Variants in TMEM117 observed in about 807,000 individuals in gnomAD.
The protein encoded by TMEM117 is transmembrane protein 117.
TMEM117 carries 27 observed loss-of-function variants against 52.4 expected under a neutral mutation model. The observed-to-expected ratio is 0.51, with a 90% CI of 0.38 to 0.71. The LOEUF is 0.71. Among genes scored for constraint, TMEM117 ranks in the 30% least tolerant of loss-of-function variants. The pLI is 0.00. For synonymous variants in TMEM117, 215 were observed against 206.3 expected, an observed-to-expected ratio of 1.04 and a Z score of -0.36; for missense variants, 556 against 630.5, an observed-to-expected ratio of 0.88 and a Z score of 1.26.
chr12:44,263,911 G>C (rs1054171713), intron 5 of TMEM117: 2 of 152,132 alleles, frequency 1.3e-5, no homozygotes, highest in Non-Finnish European at 2.9e-5. Context: ...TTCAGTGAAG[G>C]TGCATTTGTA....
At chr12:44,011,410 C>T (rs1946288339) in intron 3 of TMEM117, among the ~76,000 whole-genome samples, 1 of 152,050 alleles carries the variant, frequency 6.6e-6, no homozygotes, top group Non-Finnish European at 1.5e-5. Flanking sequence ...TGTTGCTGCT[C>T]CTGTGATAGT....
intron 6 of TMEM117, among the ~76,000 whole-genome samples, chr12:44,329,874 G>T (rs1313585443): frequency 6.6e-6 from 1 of 151,984 alleles, no homozygotes; most frequent in Non-Finnish European, 1.5e-5. Context: ...CTATGTCTTT[G>T]TATGTATATA....
intron 6 of TMEM117, among the ~76,000 whole-genome samples, chr12:44,348,990 G>GAA (rs1212760199): frequency 1.3e-5 from 2 of 151,946 alleles, no homozygotes; most frequent in Non-Finnish European, 2.9e-5. Context: ...ACACCAGTGA[G>GAA]ATAATTAAAA....
At chr12:44,243,726 T>C (rs918142041) in intron 5 of TMEM117, among the ~76,000 whole-genome samples, 1 of 151,862 alleles carries the variant, frequency 6.6e-6, no homozygotes, top group Non-Finnish European at 1.5e-5. Flanking sequence ...CTAAAACTTA[T>C]TCCTCCTAAC....
intron 3 of TMEM117, among the ~76,000 whole-genome samples, chr12:44,091,257 A>G (rs955928555): frequency 2.6e-5 from 4 of 152,118 alleles, no homozygotes; most frequent in African/African-American, 4.8e-5. Context: ...CCATGATTCA[A>G]TTACCTCCCC....
At chr12:43,978,106 TGTTCA>T (rs1047194050) in intron 3 of TMEM117, among the ~76,000 whole-genome samples, 1 of 152,140 alleles carries the variant, frequency 6.6e-6, no homozygotes, top group African/African-American at 2.4e-5. Flanking sequence ...AAGTTGAAAT[TGTTCA>T]GTTAAGTTCC....
chr12:43,845,543 TA>T (rs199772744), intron 2 of TMEM117, among the ~76,000 whole-genome samples: 16 of 152,064 alleles, frequency 1.1e-4, no homozygotes, highest in African/African-American at 3.9e-4. Context: ...TTTTTATTTT[TA>T]AAATTTTTTT....
rs561045231 is a variant in TMEM117 at position 44,095,948 on chromosome 12, G to T, written c.411-47577G>T. Among the ~76,000 whole-genome samples, 826 of 152,274 alleles carry T rather than the reference G, an allele frequency of 5.4e-3. 8 individuals carry two copies. Among genetic ancestry groups the T allele is most frequent in the Middle Eastern group, 0.031 (9 of 294 alleles). ...AATTGTCCCTGTTTGTAGACGACAT[G>T]ATTGTATATCTAGAAAACCCCATTG... On this transcript the variant is annotated intron_variant, in intron 3 of 7. Coordinates refer to ENST00000266534, the MANE Select transcript of TMEM117 (RefSeq NM_032256.3).
At chr12:44,269,297 T>C (rs1237178290) in intron 5 of TMEM117, among the ~76,000 whole-genome samples, 1 of 152,130 alleles carries the variant, frequency 6.6e-6, no homozygotes, top group African/African-American at 2.4e-5. Flanking sequence ...TCCACACTCC[T>C]TAATGACTAC....
chr12:44,028,263 T>C (rs1946576343), intron 3 of TMEM117, among the ~76,000 whole-genome samples: 1 of 152,068 alleles, frequency 6.6e-6, no homozygotes, highest in Admixed American at 6.5e-5. Context: ...ATCATTCCAG[T>C]ATCTGGAACA....
At chr12:44,066,975 AT>A (rs1172934760) in intron 3 of TMEM117, among the ~76,000 whole-genome samples, 4 of 152,186 alleles carry the variant, frequency 2.6e-5, no homozygotes, top group Non-Finnish European at 5.9e-5. Context: ...TGTCAACTAA[AT>A]TTACGTAAAA....
rs145660187 is a variant in TMEM117, at chr12:44,116,907, A to T, written c.411-26618A>T. Among the ~76,000 whole-genome samples the T allele has an allele frequency of 2.1e-4, 32 of 152,254 alleles. 1 individual carries two copies. Among genetic ancestry groups the T allele is most frequent in the African/African-American group, 7.5e-4 (31 of 41,550 alleles). Reference sequence around the variant, plus strand: ...CCTTGACTCTCTGCAGTAGCCTCCTAACTGATCTAATTTTATCTCATCGTA... The same window carrying T: ...CCTTGACTCTCTGCAGTAGCCTCCTTACTGATCTAATTTTATCTCATCGTA... On this transcript the variant is annotated intron_variant, in intron 3 of 7. Transcript: ENST00000266534.
chr12:43,804,448 C>T, the TMEM117 span: 1 of 1,177,966 alleles, frequency 8.5e-7, no homozygotes, highest in Non-Finnish European at 1.2e-6. Flanking sequence ...AAAAATACAA[C>T]AGCCACTAAT....
intron 5 of TMEM117, among the ~76,000 whole-genome samples, chr12:44,272,450 G>A (rs913022088): frequency 3.9e-5 from 6 of 152,008 alleles, no homozygotes; most frequent in Non-Finnish European, 7.4e-5. Context: ...TACAGAATGG[G>A]AGAAAACTTT....
At chr12:44,007,810 GCT>G (rs1034311840) in intron 3 of TMEM117, among the ~76,000 whole-genome samples, 12 of 152,130 alleles carry the variant, frequency 7.9e-5, no homozygotes, top group African/African-American at 2.9e-4. Flanking sequence ...CCCTGCATAA[GCT>G]CTCTCTTTTT....
intron 5 of TMEM117, among the ~76,000 whole-genome samples, chr12:44,272,245 A>G (rs2138570781): frequency 6.6e-6 from 1 of 152,252 alleles, no homozygotes; most frequent in African/African-American, 2.4e-5. Flanking sequence ...GATCAAAGCC[A>G]TAATAAAAGT....
intron 6 of TMEM117, among the ~76,000 whole-genome samples, chr12:44,337,687 C>G (rs1688274299): frequency 1.3e-5 from 2 of 152,006 alleles, no homozygotes; most frequent in African/African-American, 4.8e-5. Context: ...ATGAGGATAA[C>G]CAACCTTGAA....
intron 4 of TMEM117, among the ~76,000 whole-genome samples, chr12:44,191,697 C>T (rs1949356966): frequency 6.6e-6 from 1 of 152,248 alleles, no homozygotes; most frequent in Admixed American, 6.5e-5. Flanking sequence ...GGTCTCACAA[C>T]AATCATGTCA....
At chr12:44,140,290 A>G (rs1477500189) in intron 3 of TMEM117, among the ~76,000 whole-genome samples, 2 of 152,114 alleles carry the variant, frequency 1.3e-5, no homozygotes, top group African/African-American at 2.4e-5. Flanking sequence ...AGTTTTTAAT[A>G]TCTTCCTCCA....
Sources: allele counts gnomAD v4.1 joint callset (sites outside exome capture counted in the v4.1 genomes callset), GRCh38; gene constraint gnomAD v4.1.1; transcripts MANE v1.5; gene names NCBI Gene and HGNC (gene_info 2026-07-23, HGNC 2026-07-21).